The following SHCBP1 variants were observed in gnomAD, a reference collection of about 807,000 sequenced individuals.
The protein encoded by SHCBP1 is SHC SH2 domain-binding protein 1.
A neutral mutation model predicts 75.1 loss-of-function variants in SHCBP1; 60 were observed. The ratio of observed to expected loss-of-function variants is 0.80; its 90% CI spans 0.65 to 0.99. The LOEUF (loss-of-function observed/expected upper bound fraction) is 0.99, where lower values mean the gene tolerates loss of function less well. SHCBP1 is among the 50% of genes least tolerant of loss of function. The pLI is 0.00. For synonymous variants in SHCBP1, 290 were observed against 293.2 expected (o/e 0.99, Z 0.11); for missense variants, 709 against 809.4 (o/e 0.88, Z 1.50).
At chr16:46,617,601 G>T in intron 3 of SHCBP1, 33 bp downstream of exon 3, 1 of 1,556,980 alleles carries the variant, frequency 6.4e-7, no homozygotes, top group South Asian at 1.1e-5. Flanking sequence ...CTTAAAGCTA[G>T]AGACAAAGGT....
Position 46,604,127 on chromosome 16 carries a change from G to C in SHCBP1, c.940C>G (p.Gln314Glu), listed in dbSNP as rs1965288079. 1 of 1,613,920 alleles carries C rather than the reference G, an allele frequency of 6.2e-7. No individual in the cohort carries two copies. Among genetic ancestry groups the C allele is most frequent in the South Asian group, 1.1e-5 (1 of 91,068 alleles). The change falls in exon 7 of 13, where the codon CAG becomes GAG. Residue 314 changes from glutamine (Q) to glutamate (E), a missense_variant. Transcript: ENST00000303383. Reference sequence around the variant, plus strand: ...TTTGCTTGGATGTTAGAATTCTTCTGATAACCAAACACATACCTTAAAGAA... The same window carrying C: ...TTTGCTTGGATGTTAGAATTCTTCTCATAACCAAACACATACCTTAAAGAA... The part of the protein sequence containing the change: ...NPLLRYVFGY[Q>E]KNSNIQAKGV...
intron 10 of SHCBP1, among the ~76,000 whole-genome samples, chr16:46,587,828 C>A (rs1166539091): frequency 2.6e-5 from 4 of 152,186 alleles, no homozygotes; most frequent in African/African-American, 4.8e-5. Context: ...TAGACATCTA[C>A]AGAACTCTCC....
Position 46,579,187 on chromosome 16 carries a change from A to G in SHCBP1, c.*2542T>C, listed in dbSNP as rs955832700. Among the ~76,000 whole-genome samples, 18 of 152,350 alleles carry G rather than the reference A, an allele frequency of 1.2e-4. No individual in the cohort carries two copies. Among genetic ancestry groups the G allele is most frequent in the South Asian group, 6.2e-4 (3 of 4,830 alleles). ...CACACTAAGAGTGGACCATAAGGAC[A>G]GGACACACAATTAGTCAACACAGAA... On this transcript the variant is annotated 3_prime_UTR_variant, in exon 13 of 13. Transcript: ENST00000303383.
chr16:46,604,544 G>T, intron 5 of SHCBP1, 83 bp from the exon 6 acceptor site: 1 of 881,580 alleles, frequency 1.1e-6, no homozygotes, highest in South Asian at 1.6e-5. Flanking sequence ...AGCCCTCAAA[G>T]ACCCAGTAAG....
rs1596690961 is a variant in SHCBP1, at chr16:46,616,305, T to C, written c.388-151A>G. 1.4e-6 allele frequency: 1 copy of C among 708,192 alleles called. No individual in the cohort carries two copies. Among genetic ancestry groups the C allele is most frequent in the East Asian group, 2.7e-5 (1 of 36,782 alleles). The allele number at this position is 708,192 out of a possible 1,614,324, so 43.9% of individuals were successfully genotyped here. A position where few individuals can be genotyped will look rare whatever the true frequency, so the allele number is the denominator to read the frequency against. ...TAAAGGATGAACAAGACAGGCTGCC[T>C]CTTACCCTCATGGAGCTTACACTGT... On this transcript the variant is annotated intron_variant, in intron 3 of 12. Coordinates refer to ENST00000303383, the MANE Select transcript of SHCBP1 (RefSeq NM_024745.5). This position sits in a 1 kb window ranked among gnomAD's most constrained non-coding sequence, Gnocchi z 4.4.
At chr16:46,609,791 AATTT>A (rs1567452185) in intron 4 of SHCBP1, among the ~76,000 whole-genome samples, 1 of 151,948 alleles carries the variant, frequency 6.6e-6, no homozygotes, top group Non-Finnish European at 1.5e-5. Flanking sequence ...TGATTTAACA[AATTT>A]ATTATGGAAA....
At chr16:46,584,513 T>C (rs1400079634) in intron 10 of SHCBP1, among the ~76,000 whole-genome samples, 1 of 152,188 alleles carries the variant, frequency 6.6e-6, no homozygotes, top group Non-Finnish European at 1.5e-5. Flanking sequence ...TAGTAAAATA[T>C]TGTAATTTGA....
intron 4 of SHCBP1, among the ~76,000 whole-genome samples, chr16:46,611,483 A>T (rs1567452886): frequency 6.6e-6 from 1 of 152,210 alleles, no homozygotes; most frequent in African/African-American, 2.4e-5. Context: ...CACAATGACC[A>T]CTGTCACTCA....
At chr16:46,584,147 G>T in intron 10 of SHCBP1, 58 bp from the exon 11 acceptor site, 1 of 1,239,624 alleles carries the variant, frequency 8.1e-7, no homozygotes, top group Non-Finnish European at 1.1e-6. Context: ...GACTATAAGA[G>T]TTTATTACAA....
intron 7 of SHCBP1, 35 bp downstream of exon 7, chr16:46,603,940 A>G: frequency 6.4e-7 from 1 of 1,574,074 alleles, no homozygotes; most frequent in Non-Finnish European, 8.6e-7. Context: ...TCAGAAGGAA[A>G]AAAAGCCACC....
chr16:46,580,740 A>T lies in SHCBP1; in HGVS notation c.*989T>A, dbSNP rs1964857158. The T allele has an allele frequency of 1.3e-5, 2 of 151,670 alleles. No individual in the cohort carries two copies. The highest frequency in any genetic ancestry group is 4.9e-5 in the African/African-American group (2 of 41,026). 9.4% of individuals were successfully genotyped at this position (151,670 alleles called of 1,614,324 possible). ...ATCAGAATACTGTAACGGTAAGAGAAAAATACTTTTTTTTTTTTTTGAGAC... is the reference window on the plus strand; with the variant it reads ...ATCAGAATACTGTAACGGTAAGAGATAAATACTTTTTTTTTTTTTTGAGAC... On this transcript the variant is annotated 3_prime_UTR_variant, in exon 13 of 13. Transcript: ENST00000303383.
intron 9 of SHCBP1, among the ~76,000 whole-genome samples, chr16:46,598,526 A>C (rs1338262144): frequency 6.6e-6 from 1 of 152,192 alleles, no homozygotes; most frequent in African/African-American, 2.4e-5. Context: ...CCACATTATA[A>C]ACAGATGTGC....
intron 12 of SHCBP1, among the ~76,000 whole-genome samples, chr16:46,582,351 C>A (rs191540996): frequency 6.6e-5 from 10 of 152,304 alleles, no homozygotes; most frequent in Admixed American, 6.5e-4. Flanking sequence ...AATCTAGCAG[C>A]TAATTCTAGA....
At chr16:46,592,933 A>C (rs12928900) in intron 10 of SHCBP1, among the ~76,000 whole-genome samples, 1 of 131,890 alleles carries the variant, frequency 7.6e-6, no homozygotes, top group Admixed American at 7.7e-5. Context: ...GTCAACATCC[A>C]CTTATGATAA....
Position 46,613,189 on chromosome 16 carries a change from G to T in SHCBP1, c.596+2757C>A, listed in dbSNP as rs550595105. Among the ~76,000 whole-genome samples the T allele has an allele frequency of 2.0e-5, 3 of 152,178 alleles. No individual in the cohort carries two copies. In the South Asian group the frequency reaches 6.2e-4, roughly 32 times the overall value. ...GTTGTTAAAAAACTAGCTGGCTAGT[G>T]GTGGCACATGCCTATAATCCCAGCT... On this transcript the variant is annotated intron_variant, in intron 4 of 12. Coordinates refer to ENST00000303383, the MANE Select transcript of SHCBP1 (RefSeq NM_024745.5).
At chr16:46,597,869 A>G (rs1467541359) in intron 9 of SHCBP1, among the ~76,000 whole-genome samples, 3 of 152,162 alleles carry the variant, frequency 2.0e-5, no homozygotes, top group Admixed American at 6.5e-5. Context: ...AATACTCTAA[A>G]TCATTTGTTG....
chr16:46,608,423 C>T (rs766350014), intron 4 of SHCBP1, 34 bp from the exon 5 acceptor site: 4 of 1,433,532 alleles, frequency 2.8e-6, no homozygotes. Context: ...CAAATTCTAT[C>T]ACTGGCTCAA....
At chr16:46,587,428 T>A (rs1049228255) in intron 10 of SHCBP1, among the ~76,000 whole-genome samples, 1 of 152,142 alleles carries the variant, frequency 6.6e-6, no homozygotes, top group Non-Finnish European at 1.5e-5. Flanking sequence ...TTAATATCAA[T>A]AATTAAATGT....
intron 4 of SHCBP1, among the ~76,000 whole-genome samples, chr16:46,613,053 C>G (rs1199754344): frequency 6.6e-6 from 1 of 152,182 alleles, no homozygotes; most frequent in Non-Finnish European, 1.5e-5. Context: ...CAATGAACCC[C>G]TGAAAACACA....
Sources: allele counts gnomAD v4.1 joint callset (sites outside exome capture counted in the v4.1 genomes callset), GRCh38; gene constraint gnomAD v4.1.1; non-coding constraint Gnocchi (gnomAD v3.1); transcripts MANE v1.5; gene names NCBI Gene and HGNC (gene_info 2026-07-23, HGNC 2026-07-21).